Variants in TP53BP2 observed in about 807,000 individuals in gnomAD.
The protein encoded by TP53BP2 is apoptosis-stimulating of p53 protein 2.
A neutral mutation model predicts 126.2 loss-of-function variants in TP53BP2; 62 were observed. That is an observed-to-expected ratio of 0.49 (90% CI 0.40 to 0.61). The LOEUF (loss-of-function observed/expected upper bound fraction) is 0.61. Among genes scored for constraint, TP53BP2 ranks in the 20% least tolerant of loss-of-function variants. The probability of loss-of-function intolerance (pLI) is 0.00; values close to 1 mark genes in which losing one functional copy is unlikely to be tolerated. For missense variants in TP53BP2, 1,215 were observed against 1,402.8 expected (o/e 0.87, Z 2.14); for synonymous variants, 485 against 502.9 (o/e 0.96, Z 0.48).
rs573680513 is a variant in TP53BP2 at position 223,827,176 on chromosome 1, A to C, written c.28-5809T>G. On this transcript the variant is annotated intron_variant, in intron 1 of 17. Coordinates refer to ENST00000343537, the MANE Select transcript of TP53BP2 (RefSeq NM_001031685.3). Reference sequence around the variant, plus strand: ...AGAGATGAGCATGCAGAGGCATTTAAAGCCTAAGCCTGGATGAGAGCAGCT... The same window carrying C: ...AGAGATGAGCATGCAGAGGCATTTACAGCCTAAGCCTGGATGAGAGCAGCT... Among the ~76,000 whole-genome samples, 7 of 152,306 alleles carry C rather than the reference A, an allele frequency of 4.6e-5. No homozygotes were observed. In the South Asian group the frequency reaches 1.5e-3, roughly 32 times the overall value.
At chr1:223,838,452 A>C (rs750149999) in intron 1 of TP53BP2, among the ~76,000 whole-genome samples, 3 of 152,160 alleles carry the variant, frequency 2.0e-5, no homozygotes, top group Non-Finnish European at 2.9e-5. Flanking sequence ...ACTGCTCCCT[A>C]CTACACGGGC....
intron 1 of TP53BP2, among the ~76,000 whole-genome samples, chr1:223,825,712 T>C (rs1663471669): frequency 6.6e-6 from 1 of 152,190 alleles, no homozygotes. Context: ...AAAATAATCT[T>C]TACTAAACAG....
chr1:223,800,784 C>A lies in TP53BP2; in HGVS notation c.1252G>T (p.Asp418Tyr). Residue 418 changes from aspartate (D) to tyrosine (Y), a missense_variant, in exon 10 of 18, where the codon GAT becomes TAT. By Grantham distance (160) the Asp-to-Tyr change is radical (BLOSUM62 -3). This residue lies in a region of TP53BP2 where 814 missense variants were observed against 853.0 expected (regional missense o/e 0.95). Coordinates refer to ENST00000343537, the MANE Select transcript of TP53BP2 (RefSeq NM_001031685.3). ...KGSKIHPVGP[D>Y]WSPSNADLFP... ...AGATCTGCATTTGAAGGACTCCAAT[C>A]AGGGCCAACTGGATGGATTTTAGAG... is the stretch of plus-strand genomic sequence containing the variant. The A allele has an allele frequency of 1.9e-6, 3 of 1,610,158 alleles. No homozygotes were observed. Among genetic ancestry groups the A allele is most frequent in the Non-Finnish European group, 2.5e-6 (3 of 1,179,032 alleles).
intron 16 of TP53BP2, among the ~76,000 whole-genome samples, chr1:223,785,952 CA>C (rs1255246086): frequency 6.6e-6 from 1 of 151,612 alleles, no homozygotes; most frequent in Non-Finnish European, 1.5e-5. Context: ...CACCAGAAGA[CA>C]AGTACCAAAA....
chr1:223,831,709 T>A (rs1663737886), intron 1 of TP53BP2, among the ~76,000 whole-genome samples: 1 of 151,196 alleles, frequency 6.6e-6, no homozygotes, highest in African/African-American at 2.4e-5. Context: ...TACAACTTGT[T>A]TCTACCTCCT....
intron 2 of TP53BP2, 119 bp from the exon 3 acceptor site, chr1:223,814,472 A>C: frequency 1.4e-6 from 1 of 731,352 alleles, no homozygotes; most frequent in Non-Finnish European, 2.2e-6. Context: ...TTAGTATCTC[A>C]GGTAAATTTT....
chr1:223,799,475 G>A (rs574248541), intron 11 of TP53BP2, among the ~76,000 whole-genome samples: 3 of 152,164 alleles, frequency 2.0e-5, no homozygotes, highest in South Asian at 4.2e-4. Context: ...TTGTTCACTG[G>A]AATTTCATGC....
rs1661755847 is a variant in TP53BP2, at chr1:223,780,968, G to A, written c.3364-74C>T. The stretch of plus-strand genomic sequence containing the variant: ...ATATAACAAAATTTCAAGAAATAAT[G>A]AGGTTAGGGGACAGATGTCATGGGA... On this transcript the variant is annotated intron_variant, in intron 17 of 17. Transcript: ENST00000343537. 3 of 1,367,732 alleles carry A rather than the reference G, an allele frequency of 2.2e-6. No individual in the cohort carries two copies. The South Asian group carries it at 3.7e-5, about 17-fold the overall frequency. 84.7% of individuals were successfully genotyped at this position (1,367,732 alleles called of 1,614,324 possible).
At chr1:223,813,203 T>C (rs1662972979) in intron 3 of TP53BP2, among the ~76,000 whole-genome samples, 1 of 152,086 alleles carries the variant, frequency 6.6e-6, no homozygotes, top group African/African-American at 2.4e-5. Context: ...CCTTGTTCTC[T>C]CCACCTCCAA....
intron 14 of TP53BP2, among the ~76,000 whole-genome samples, chr1:223,793,028 G>C (rs894426973): frequency 6.6e-6 from 1 of 152,090 alleles, no homozygotes; most frequent in African/African-American, 2.4e-5. Context: ...AGGACTCCAA[G>C]TGAAAACCGA....
intron 17 of TP53BP2, among the ~76,000 whole-genome samples, chr1:223,783,509 C>T (rs980726984): frequency 6.6e-6 from 1 of 152,216 alleles, no homozygotes; most frequent in Non-Finnish European, 1.5e-5. Flanking sequence ...CTTGCACACA[C>T]ACAACTGCTA....
Position 223,803,402 on chromosome 1 carries a change from G to T in TP53BP2, c.700C>A (p.Leu234Ile), listed in dbSNP as rs1449081640. 6.2e-7 allele frequency: 1 copy of T among 1,613,772 alleles called. No individual in the cohort carries two copies. The highest frequency in any genetic ancestry group is 1.1e-5 in the South Asian group (1 of 91,040). The change falls in exon 7 of 18, where the codon CTC (leucine) becomes ATC (isoleucine). Residue 234 changes from leucine (L) to isoleucine (I), a missense_variant. Coordinates refer to ENST00000343537, the MANE Select transcript of TP53BP2 (RefSeq NM_001031685.3). ...TCTACTTTTGACACAGCCAGGACGA[G>T]CTCCCTCTGTTTTTGCTGGAACAAA... The part of the protein sequence containing the change: ...NNLFQQKQRE[L>I]VLAVSKVEEL...
chr1:223,802,536 G>T, intron 8 of TP53BP2, 192 bp from the exon 9 acceptor site: 2 of 853,336 alleles, frequency 2.3e-6, no homozygotes, highest in Non-Finnish European at 3.6e-6. Context: ...AAGTATTAGA[G>T]ACAAACAGAG....
rs1418167365 is a variant in TP53BP2 at position 223,809,472 on chromosome 1, C to G, written c.372+959G>C. Among the ~76,000 whole-genome samples, 3 of 152,094 alleles carry G rather than the reference C, an allele frequency of 2.0e-5. No individual in the cohort carries two copies. In the East Asian group the frequency reaches 5.8e-4, roughly 29 times the overall value. ...ATCCCAGCTACTCGGGAGGCTGAGG[C>G]AGGAGAATCGCTTGAACCCAGGAGG... On this transcript the variant is annotated intron_variant, in intron 4 of 17. Coordinates refer to ENST00000343537, the MANE Select transcript of TP53BP2 (RefSeq NM_001031685.3).
intron 1 of TP53BP2, among the ~76,000 whole-genome samples, chr1:223,833,462 C>T (rs1441693326): frequency 6.6e-6 from 1 of 152,160 alleles, no homozygotes; most frequent in African/African-American, 2.4e-5. Context: ...TCCTGACCAT[C>T]CATTCAATAT....
At chr1:223,844,470 C>G (rs1222098646) in intron 1 of TP53BP2, among the ~76,000 whole-genome samples, 1 of 152,166 alleles carries the variant, frequency 6.6e-6, no homozygotes, top group African/African-American at 2.4e-5. Flanking sequence ...ACAGCAAAAT[C>G]CATCACCCTT....
intron 17 of TP53BP2, among the ~76,000 whole-genome samples, chr1:223,781,265 G>A (rs764737001): frequency 1.3e-5 from 2 of 152,214 alleles, no homozygotes; most frequent in Non-Finnish European, 2.9e-5. Flanking sequence ...TCCAGCATTT[G>A]GAGCTTCTAT....
At chr1:223,781,794 G>T (rs1661786731) in intron 17 of TP53BP2, among the ~76,000 whole-genome samples, 1 of 151,872 alleles carries the variant, frequency 6.6e-6, no homozygotes, top group Admixed American at 6.6e-5. Flanking sequence ...CTACATATAT[G>T]CACTTTCCTT....
At chr1:223,844,810 C>T (rs1664214155) in intron 1 of TP53BP2, among the ~76,000 whole-genome samples, 1 of 152,214 alleles carries the variant, frequency 6.6e-6, no homozygotes, top group African/African-American at 2.4e-5. Flanking sequence ...TTTGTCTGAA[C>T]AAATGGAGCC....
Sources: gnomAD v4.1 joint callset for allele counts (sites outside exome capture counted in the v4.1 genomes callset) on GRCh38, gnomAD v4.1.1 for gene constraint, gnomAD v4.1.1 regional missense constraint, MANE v1.5 for transcripts, NCBI Gene and HGNC (gene_info 2026-07-23, HGNC 2026-07-21) for gene names.